The following RCHY1 variants were observed in gnomAD, a reference collection of about 807,000 sequenced individuals.
RCHY1 encodes RING finger and CHY zinc finger domain-containing protein 1.
Under a neutral mutation model 41.6 loss-of-function variants are expected in RCHY1, and 21 were observed. The ratio of observed to expected loss-of-function variants is 0.51; its 90% CI spans 0.36 to 0.73. The LOEUF is 0.73. Among genes scored for constraint, RCHY1 ranks in the 30% least tolerant of loss-of-function variants. The pLI, the probability that RCHY1 is intolerant of heterozygous loss-of-function variation, is 0.00. For synonymous variants in RCHY1, 79 were observed against 102.9 expected (o/e 0.77, Z 1.41); for missense variants, 265 against 325.3 (o/e 0.81, Z 1.43).
intron 3 of RCHY1, among the ~76,000 whole-genome samples, chr4:75,495,925 A>G (rs1394568737): frequency 1.3e-5 from 2 of 152,130 alleles, no homozygotes; most frequent in Non-Finnish European, 2.9e-5. Context: ...ATATTTATCT[A>G]TTCGTCTATT....
At chr4:75,511,759 C>T (rs1001603492) in intron 1 of RCHY1, among the ~76,000 whole-genome samples, 2 of 151,328 alleles carry the variant, frequency 1.3e-5, no homozygotes, top group Non-Finnish European at 2.9e-5. Flanking sequence ...AGCTAAGATA[C>T]TAGCAATACT....
intron 8 of RCHY1, among the ~76,000 whole-genome samples, chr4:75,489,630 C>A (rs962119312): frequency 1.3e-5 from 2 of 152,126 alleles, no homozygotes; most frequent in African/African-American, 4.8e-5. Context: ...ACTGGAAGGC[C>A]TGTATACCTA....
Position 75,479,210 on chromosome 4 carries a change from C to T in RCHY1, c.*3328G>A, listed in dbSNP as rs565796274. ...TGATTTAATCATTCTACACTGTAAA[C>T]ATATATCAAAACATCACATTGTACT... On this transcript the variant is annotated 3_prime_UTR_variant, in exon 9 of 9. Transcript: ENST00000324439. 9 of 151,782 alleles carry T rather than the reference C, an allele frequency of 5.9e-5. No individual in the cohort carries two copies. The highest frequency in any genetic ancestry group is 1.2e-4 in the Non-Finnish European group (8 of 67,850). The allele number at this position is 151,782 out of a possible 1,614,324, so 9.4% of individuals were successfully genotyped here.
In RCHY1 at chr4:75,491,898, T is replaced by C. The variant is rs1388881073; in HGVS notation, c.441A>G (p.Ile147Met). 6.2e-7 allele frequency: 1 copy of C among 1,608,990 alleles called. No individual in the cohort carries two copies. The highest frequency in any genetic ancestry group is 8.5e-7 in the Non-Finnish European group (1 of 1,177,890). ...IENVSRQNCP[I>M]CLEDIHTSRV... ...AATATTTTAAGCCTACCTCCAAACA[T>C]ATTGGACAATTCTGTCGGGACACAT... Residue 147 changes from isoleucine to methionine, a missense_variant, in exon 5 of 9, where the codon ATA becomes ATG. Transcript: ENST00000324439.
Position 75,481,699 on chromosome 4 carries a change from T to G in RCHY1, c.*839A>C, listed in dbSNP as rs1026563909. On this transcript the variant is annotated 3_prime_UTR_variant, in exon 9 of 9. Coordinates refer to ENST00000324439, the MANE Select transcript of RCHY1 (RefSeq NM_015436.4). ...AGGACAAGGACTTTTATCTTTATTG[T>G]TCACTGTTGTCTCTACAGCATCTAG... The G allele has an allele frequency of 1.3e-5, 2 of 152,224 alleles. No homozygotes were observed. The highest frequency in any genetic ancestry group is 1.3e-4 in the Admixed American group (2 of 15,290). The allele number at this position is 152,224 out of a possible 1,614,324, so 9.4% of individuals were successfully genotyped here. A position where few individuals can be genotyped will look rare whatever the true frequency, so the allele number is the denominator to read the frequency against.
At chr4:75,483,582 T>C (rs1173980558) in intron 8 of RCHY1, among the ~76,000 whole-genome samples, 1 of 152,172 alleles carries the variant, frequency 6.6e-6, no homozygotes, top group African/African-American at 2.4e-5. Flanking sequence ...ATGAACTATA[T>C]AATATGTGAA....
intron 1 of RCHY1, among the ~76,000 whole-genome samples, chr4:75,513,458 G>A (rs1725168380): frequency 1.3e-5 from 2 of 152,248 alleles, no homozygotes; most frequent in East Asian, 1.9e-4. Flanking sequence ...GGGTAGAGAG[G>A]AGCTAGCTAA....
At chr4:75,483,596 T>C (rs1487543414) in intron 8 of RCHY1, among the ~76,000 whole-genome samples, 2 of 152,186 alleles carry the variant, frequency 1.3e-5, no homozygotes, top group Admixed American at 1.3e-4. Flanking sequence ...ATGTGAATTG[T>C]ATCTTAATGA....
intron 3 of RCHY1, among the ~76,000 whole-genome samples, chr4:75,506,318 G>A (rs952566424): frequency 1.3e-5 from 2 of 150,974 alleles, no homozygotes; most frequent in Non-Finnish European, 3.0e-5. Flanking sequence ...AATCAAGCAT[G>A]TCAAAAGGCA....
At chr4:75,484,018 T>G (rs188919885) in intron 8 of RCHY1, among the ~76,000 whole-genome samples, 1 of 152,292 alleles carries the variant, frequency 6.6e-6, no homozygotes, top group East Asian at 1.9e-4. Context: ...GCAAGCTAAT[T>G]GCAACCAAAT....
chr4:75,483,809 G>T (rs996517835), intron 8 of RCHY1, among the ~76,000 whole-genome samples: 11 of 152,190 alleles, frequency 7.2e-5, no homozygotes, highest in African/African-American at 2.4e-4. Flanking sequence ...CTCGTATGCT[G>T]AAGTATCTGA....
chr4:75,508,701 G>A (rs1294806681), intron 3 of RCHY1, 119 bp downstream of exon 3: 2 of 524,730 alleles, frequency 3.8e-6, no homozygotes, highest in Non-Finnish European at 6.7e-6. Flanking sequence ...CACTTAATTG[G>A]ACACTTAAAA....
At chr4:75,504,979 A>G (rs1207219170) in intron 3 of RCHY1, among the ~76,000 whole-genome samples, 1 of 152,172 alleles carries the variant, frequency 6.6e-6, no homozygotes, top group Non-Finnish European at 1.5e-5. Flanking sequence ...CTGCCTACAC[A>G]TTACTGTGCA....
At position 75,494,461 on chromosome 4, in the gene RCHY1, T is replaced by C. The variant is rs1723008567; in HGVS notation, c.327-282A>G. On this transcript the variant is annotated intron_variant, in intron 3 of 8. Coordinates refer to ENST00000324439, the MANE Select transcript of RCHY1 (RefSeq NM_015436.4). ...TTTCGGGTTTGATTTCTTACATTAA[T>C]GGATTCTTTCTACAGATGCCATTCT... 5 of 315,364 alleles carry C rather than the reference T, an allele frequency of 1.6e-5. No homozygotes were observed. The South Asian group carries it at 2.6e-4, about 17-fold the overall frequency. 19.5% of individuals were successfully genotyped at this position (315,364 alleles called of 1,614,324 possible). A position where few individuals can be genotyped will look rare whatever the true frequency, so the allele number is the denominator to read the frequency against.
intron 4 of RCHY1, among the ~76,000 whole-genome samples, chr4:75,492,192 G>C (rs541969595): frequency 1.3e-5 from 2 of 151,928 alleles, no homozygotes; most frequent in Non-Finnish European, 2.9e-5. Flanking sequence ...TAAGGAAAGT[G>C]ACTTAGGAAT....
chr4:75,490,614 AG>A lies in RCHY1; in HGVS notation c.623del (p.Pro208LeufsTer9). ...RQLDDEVAQTPMPSEYQNMTV... is the reference protein window; with the variant it reads ...RQLDDEVAQTXMPSEYQNMTV... ...TCATGTTCTGATATTCTGATGGCATAGGAGTCTGTGCTACTTCATCATCCAG... is the reference window on the plus strand; with the variant it reads ...TCATGTTCTGATATTCTGATGGCATAGAGTCTGTGCTACTTCATCATCCAG... On this transcript the variant is annotated frameshift_variant, in exon 8 of 9. Coordinates refer to ENST00000324439, the MANE Select transcript of RCHY1 (RefSeq NM_015436.4). LOFTEE classifies it high-confidence loss of function. 1 of 1,612,798 alleles carries A rather than the reference AG, an allele frequency of 6.2e-7. No homozygotes were observed. The highest frequency in any genetic ancestry group is 1.1e-5 in the South Asian group (1 of 91,030).
Position 75,487,729 on chromosome 4 carries a change from CATA to C in RCHY1, c.657+2849_657+2851del, listed in dbSNP as rs1722304021. 3.2e-5 allele frequency among the ~76,000 whole-genome samples: 3 copies of C among 93,910 alleles called. No individual in the cohort carries two copies. The South Asian group carries it at 9.1e-4, about 29-fold the overall frequency. The allele number at this position is 93,910 out of a possible 152,430, so 61.6% of individuals were successfully genotyped here. A position where few individuals can be genotyped will look rare whatever the true frequency, so the allele number is the denominator to read the frequency against. The stretch of plus-strand genomic sequence containing the variant: ...CATAATATATATTCATATATATATT[CATA>C]ATATATATTCATATATATATTCATA... On this transcript the variant is annotated intron_variant, in intron 8 of 8. Coordinates refer to ENST00000324439, the MANE Select transcript of RCHY1 (RefSeq NM_015436.4).
rs192556490 is a variant in RCHY1 at position 75,488,415 on chromosome 4, A to T, written c.657+2166T>A. On this transcript the variant is annotated intron_variant, in intron 8 of 8. Transcript: ENST00000324439. ...TCATGAAAGGATGAAAAGGACCCTG[A>T]CAAACTCTCTTAAATATAGACTTCT... Among the ~76,000 whole-genome samples, 2 of 152,298 alleles carry T rather than the reference A, an allele frequency of 1.3e-5. 1 individual carries two copies. The highest frequency in any genetic ancestry group is 4.8e-5 in the African/African-American group (2 of 41,570).
intron 3 of RCHY1, among the ~76,000 whole-genome samples, chr4:75,506,079 C>G (rs892496287): frequency 7.3e-6 from 1 of 137,100 alleles, no homozygotes; most frequent in African/African-American, 2.8e-5. Flanking sequence ...GGACTATGTC[C>G]TAGGAGCATA....
Sources: allele counts gnomAD v4.1 joint callset (sites outside exome capture counted in the v4.1 genomes callset), GRCh38; gene constraint gnomAD v4.1.1; transcripts MANE v1.5; gene names NCBI Gene and HGNC (gene_info 2026-07-23, HGNC 2026-07-21).